Variants in CNGA3 observed in about 807,000 individuals in gnomAD.
The protein encoded by CNGA3 is cyclic nucleotide gated channel subunit alpha 3.
In CNGA3, 42 loss-of-function variants were observed where a neutral mutation model predicts 46.6. The ratio of observed to expected loss-of-function variants is 0.90; its 90% CI spans 0.70 to 1.17. The LOEUF (loss-of-function observed/expected upper bound fraction) is 1.17. Among genes scored for constraint, CNGA3 ranks in the 50% most tolerant of loss-of-function variants. The pLI is 0.00. For synonymous variants in CNGA3, 394 were observed against 369.4 expected (o/e 1.07, Z -0.76); for missense variants, 893 against 890.7 (o/e 1.00, Z -0.03).
intron 2 of CNGA3, among the ~76,000 whole-genome samples, chr2:98,375,507 T>C (rs1692384803): frequency 6.6e-6 from 1 of 152,262 alleles, no homozygotes; most frequent in South Asian, 2.1e-4. Flanking sequence ...ACATGCATCC[T>C]GCCTTTATAG....
Position 98,395,841 on chromosome 2 carries a change from T to C in CNGA3, c.674-3T>C, listed in dbSNP as rs781013773. 2 of 1,614,124 alleles carry C rather than the reference T, an allele frequency of 1.2e-6. No individual in the cohort carries two copies. The highest frequency in any genetic ancestry group is 1.7e-6 in the Non-Finnish European group (2 of 1,179,990). ...GCCCAATGACCTCCATCTTCTTCTT[T>C]AGGTTTTCTCGAGCAAGGCTTAATG... On this transcript the variant is annotated splice_region_variant and splice_polypyrimidine_tract_variant and intron_variant, in intron 7 of 7. Coordinates refer to ENST00000272602, the MANE Select transcript of CNGA3 (RefSeq NM_001298.3).
chr2:98,382,687 C>T (rs564259640), intron 4 of CNGA3, among the ~76,000 whole-genome samples: 1 of 152,264 alleles, frequency 6.6e-6, no homozygotes, highest in Non-Finnish European at 1.5e-5. Context: ...ATACCTTTTC[C>T]TATAGAACAT....
chr2:98,361,401 G>A (rs933875157), intron 1 of CNGA3, among the ~76,000 whole-genome samples: 1 of 152,114 alleles, frequency 6.6e-6, no homozygotes, highest in African/African-American at 2.4e-5. Context: ...TGGTGTATAT[G>A]TACCACATTT....
intron 1 of CNGA3, among the ~76,000 whole-genome samples, chr2:98,363,908 T>G (rs949791665): frequency 9.9e-5 from 15 of 152,230 alleles, no homozygotes; most frequent in African/African-American, 3.6e-4. Context: ...AGTCTCCCGC[T>G]GTTATTGTGT....
chr2:98,377,829 G>A, intron 3 of CNGA3, 29 bp downstream of exon 3: 1 of 1,583,592 alleles, frequency 6.3e-7, no homozygotes, highest in East Asian at 2.3e-5. Flanking sequence ...TCCCTACCTT[G>A]GCCTGGGGGA....
At chr2:98,377,057 G>A (rs1413915805) in intron 2 of CNGA3, among the ~76,000 whole-genome samples, 6 of 152,184 alleles carry the variant, frequency 3.9e-5, no homozygotes, top group South Asian at 2.1e-4. Context: ...CAAAAGGGAC[G>A]AGGGGAAGTG....
intron 3 of CNGA3, chr2:98,379,908 G>GT: frequency 3.6e-6 from 2 of 551,218 alleles, no homozygotes; most frequent in Non-Finnish European, 3.3e-6. Context: ...AGGACAAATG[G>GT]TAATAAAGAG....
At chr2:98,351,450 T>C (rs1366758088) in intron 1 of CNGA3, among the ~76,000 whole-genome samples, 1 of 152,196 alleles carries the variant, frequency 6.6e-6, no homozygotes, top group Non-Finnish European at 1.5e-5. Flanking sequence ...GCTCTCTCTC[T>C]GCCTGCTGCC....
At chr2:98,353,406 C>T (rs1034331202) in intron 1 of CNGA3, among the ~76,000 whole-genome samples, 8 of 152,116 alleles carry the variant, frequency 5.3e-5, no homozygotes, top group African/African-American at 1.9e-4. Context: ...AGAGGACACT[C>T]AAGTATAATA....
intron 1 of CNGA3, among the ~76,000 whole-genome samples, chr2:98,366,502 A>T (rs1692155530): frequency 6.6e-6 from 1 of 152,192 alleles, no homozygotes. Context: ...CAGGGGAGAG[A>T]CCAAGTCCAC....
intron 1 of CNGA3, among the ~76,000 whole-genome samples, chr2:98,360,478 C>A (rs1421816245): frequency 1.3e-5 from 2 of 152,210 alleles, no homozygotes; most frequent in African/African-American, 4.8e-5. Flanking sequence ...GAGTCCCAAA[C>A]TTCTTTGAGA....
At chr2:98,390,197 G>A (rs764242500) in intron 6 of CNGA3, among the ~76,000 whole-genome samples, 2 of 151,662 alleles carry the variant, frequency 1.3e-5, no homozygotes, top group East Asian at 1.9e-4. Context: ...GTTCAGTGGC[G>A]CGATCTCAGC....
In CNGA3 at chr2:98,397,674, A is replaced by T. The variant is rs1304089539; in HGVS notation, c.*419A>T. On this transcript the variant is annotated 3_prime_UTR_variant, in exon 8 of 8. Coordinates refer to ENST00000272602, the MANE Select transcript of CNGA3 (RefSeq NM_001298.3). ...ACTTCACCACCACCTGATAATGGGTATATAACAGGAAGCTGAAGGTACAAC... is the reference window on the plus strand; with the variant it reads ...ACTTCACCACCACCTGATAATGGGTTTATAACAGGAAGCTGAAGGTACAAC... 2 of 273,868 alleles carry T rather than the reference A, an allele frequency of 7.3e-6. No homozygotes were observed. Among genetic ancestry groups the T allele is most frequent in the African/African-American group, 4.4e-5 (2 of 45,002 alleles). 17.0% of individuals were successfully genotyped at this position (273,868 alleles called of 1,614,324 possible).
At chr2:98,378,904 G>A (rs1182677627) in intron 3 of CNGA3, among the ~76,000 whole-genome samples, 1 of 152,162 alleles carries the variant, frequency 6.6e-6, no homozygotes, top group Non-Finnish European at 1.5e-5. Context: ...CCTCCATTCT[G>A]GCTCTCTCTG....
intron 1 of CNGA3, among the ~76,000 whole-genome samples, chr2:98,367,630 C>G (rs551117001): frequency 7.2e-5 from 11 of 152,170 alleles, no homozygotes; most frequent in African/African-American, 2.7e-4. Context: ...AACGTGCTTC[C>G]CCCCTAGTTC....
intron 1 of CNGA3, among the ~76,000 whole-genome samples, chr2:98,358,918 C>A (rs777103493): frequency 6.6e-6 from 1 of 152,288 alleles, no homozygotes; most frequent in African/African-American, 2.4e-5. Context: ...GTACAAATGA[C>A]CCACTTACTG....
chr2:98,353,208 A>G (rs1423567855), intron 1 of CNGA3, among the ~76,000 whole-genome samples: 1 of 152,232 alleles, frequency 6.6e-6, no homozygotes. Flanking sequence ...TACAGTTCAA[A>G]CCCATGCTGT....
At chr2:98,382,244 A>G (rs1327569442) in intron 4 of CNGA3, among the ~76,000 whole-genome samples, 2 of 152,218 alleles carry the variant, frequency 1.3e-5, no homozygotes, top group East Asian at 3.8e-4. Context: ...CTGCAAAGCC[A>G]AGTATATACA....
At chr2:98,361,742 C>G (rs1358810218) in intron 1 of CNGA3, among the ~76,000 whole-genome samples, 1 of 136,250 alleles carries the variant, frequency 7.3e-6, no homozygotes, top group African/African-American at 2.8e-5. Context: ...GAGTCTTGCT[C>G]TGTCGCCCAG....
Sources: allele counts gnomAD v4.1 joint callset (sites outside exome capture counted in the v4.1 genomes callset), GRCh38; gene constraint gnomAD v4.1.1; transcripts MANE v1.5; gene names NCBI Gene and HGNC (gene_info 2026-07-23, HGNC 2026-07-21).